The following ONECUT1 variants were observed in gnomAD, a reference collection of about 807,000 sequenced individuals.
ONECUT1 encodes hepatocyte nuclear factor 6.
ONECUT1 carries 12 observed loss-of-function variants against 25.6 expected under a neutral mutation model. That is an observed-to-expected ratio of 0.47 (90% CI 0.30 to 0.76). ONECUT1 has a LOEUF of 0.76. Ranked by LOEUF, ONECUT1 falls within the 30% of genes least tolerant of loss-of-function variation. The pLI, the probability that ONECUT1 is intolerant of heterozygous loss-of-function variation, is 0.07. For synonymous variants in ONECUT1, 285 were observed against 270.2 expected, an observed-to-expected ratio of 1.05 and a Z score of -0.54; for missense variants, 620 against 651.2, an observed-to-expected ratio of 0.95 and a Z score of 0.52.
At chr15:52,780,893 G>T in intron 1 of ONECUT1, 1 of 1,318,510 alleles carries the variant, frequency 7.6e-7, no homozygotes, top group Non-Finnish European at 9.7e-7. Flanking sequence ...TCCCGTGGCG[G>T]CATATGCAAA....
At chr15:52,772,806 A>G (rs1368054082) in intron 1 of ONECUT1, among the ~76,000 whole-genome samples, 3 of 152,182 alleles carry the variant, frequency 2.0e-5, no homozygotes, top group African/African-American at 7.2e-5. Context: ...CAGGAACCCT[A>G]TTAGTTTGTA....
chr15:52,768,270 C>T (rs1224164519), intron 1 of ONECUT1, among the ~76,000 whole-genome samples: 1 of 152,206 alleles, frequency 6.6e-6, no homozygotes, highest in Non-Finnish European at 1.5e-5. Flanking sequence ...TATCATTACA[C>T]ATTGTCTGCT....
In ONECUT1 at chr15:52,784,165, G is replaced by C. The variant is rs1310350598; in HGVS notation, c.1105+4615C>G. The stretch of plus-strand genomic sequence containing the variant: ...CCGAATGGAGGGAAGCAGGGAGCGC[G>C]GAGGGCTCGAGGCTTGCAGATAAGG... On this transcript the variant is annotated intron_variant, in intron 1 of 1. Transcript: ENST00000305901. The surrounding 1 kb of genome is among the most constrained non-coding windows in gnomAD (Gnocchi z 5.0). 6.6e-6 allele frequency among the ~76,000 whole-genome samples: 1 copy of C among 152,178 alleles called. No individual in the cohort carries two copies. Among genetic ancestry groups the C allele is most frequent in the African/African-American group, 2.4e-5 (1 of 41,442 alleles).
intron 1 of ONECUT1, among the ~76,000 whole-genome samples, chr15:52,781,788 G>GT (rs948917763): frequency 2.6e-5 from 4 of 152,138 alleles, no homozygotes; most frequent in African/African-American, 4.8e-5. Context: ...CTAGGCATCA[G>GT]TTTTTTTAAA....
In ONECUT1 at chr15:52,786,311, C is replaced by G. The variant is rs559225510; in HGVS notation, c.1105+2469G>C. Among the ~76,000 whole-genome samples, 16 of 152,288 alleles carry G rather than the reference C, an allele frequency of 1.1e-4. No individual in the cohort carries two copies. The South Asian group carries it at 3.1e-3, about 30-fold the overall frequency. The stretch of plus-strand genomic sequence containing the variant: ...CTGTTCCTGGTTCCTTGCAGGAGAC[C>G]CTCCTGGACCAACACAGAATCCTCA... On this transcript the variant is annotated intron_variant, in intron 1 of 1. Coordinates refer to ENST00000305901, the MANE Select transcript of ONECUT1 (RefSeq NM_004498.4).
At chr15:52,782,232 C>CA (rs1472579306) in intron 1 of ONECUT1, among the ~76,000 whole-genome samples, 1 of 152,166 alleles carries the variant, frequency 6.6e-6, no homozygotes, top group Non-Finnish European at 1.5e-5. Context: ...GATACCGTAA[C>CA]ATCTCTTGGA....
At chr15:52,768,486 A>G (rs1252024769) in intron 1 of ONECUT1, among the ~76,000 whole-genome samples, 1 of 152,168 alleles carries the variant, frequency 6.6e-6, no homozygotes, top group African/African-American at 2.4e-5. Flanking sequence ...CAATAATTGG[A>G]GTGATATAGA....
At chr15:52,785,473 T>C (rs1336246642) in intron 1 of ONECUT1, among the ~76,000 whole-genome samples, 5 of 152,072 alleles carry the variant, frequency 3.3e-5, no homozygotes, top group Admixed American at 3.3e-4. Context: ...CAGGGCAGGG[T>C]CGGAGTGCCC....
intron 1 of ONECUT1, among the ~76,000 whole-genome samples, chr15:52,777,181 AAC>A (rs2083806339): frequency 1.3e-5 from 2 of 152,294 alleles, no homozygotes; most frequent in Admixed American, 6.5e-5. Context: ...AACACACACA[AAC>A]ACACAGTTAT....
chr15:52,778,282 A>AT (rs1021046375), intron 1 of ONECUT1, among the ~76,000 whole-genome samples: 3 of 152,012 alleles, frequency 2.0e-5, no homozygotes, highest in African/African-American at 7.3e-5. Context: ...TTTATTACTC[A>AT]TTTTTTTAAA....
In ONECUT1 at chr15:52,757,647, C is replaced by T. The variant is rs1471492257; in HGVS notation, c.1306G>A (p.Ala436Thr). 1.9e-6 allele frequency: 3 copies of T among 1,613,954 alleles called. No homozygotes were observed. The highest frequency in any genetic ancestry group is 1.3e-5 in the African/African-American group (1 of 74,880). The change falls in exon 2 of 2, where the codon GCA becomes ACA. Residue 436 changes from alanine to threonine, a missense_variant. Physicochemically the swap from Ala to Thr is moderately conservative, Grantham distance 58. Coordinates refer to ENST00000305901, the MANE Select transcript of ONECUT1 (RefSeq NM_004498.4). ...CACTTGTCCAGACTCCTCCTTCTTGCGTTCATGAAGAAGTTGCTGACAGTG... is the reference window on the plus strand; with the variant it reads ...CACTTGTCCAGACTCCTCCTTCTTGTGTTCATGAAGAAGTTGCTGACAGTG... ...LSTVSNFFMN[A>T]RRRSLDKWQD...
At chr15:52,757,927 G>T in intron 1 of ONECUT1, 80 bp from the exon 2 acceptor site, 2 of 1,474,090 alleles carry the variant, frequency 1.4e-6, no homozygotes, top group Middle Eastern at 3.7e-4. Flanking sequence ...CATAAAATTT[G>T]TTAGCCATTC....
intron 1 of ONECUT1, chr15:52,787,622 G>A (rs2083884893): frequency 6.7e-6 from 1 of 150,354 alleles, no homozygotes; most frequent in African/African-American, 2.5e-5. Flanking sequence ...TGAGATGGAG[G>A]TGGAGGTGGG....
At chr15:52,764,738 T>C (rs527330627) in intron 1 of ONECUT1, among the ~76,000 whole-genome samples, 11 of 152,308 alleles carry the variant, frequency 7.2e-5, no homozygotes, top group African/African-American at 2.4e-4. Flanking sequence ...CTTGGCATTG[T>C]CATAAGGGCC....
Position 52,789,733 on chromosome 15 carries a change from C to A in ONECUT1, c.152G>T (p.Arg51Leu). Residue 51 changes from arginine (R) to leucine (L), a missense_variant, in exon 1 of 2, where the codon CGC (arginine) becomes CTC (leucine). Arg to Leu is a moderately radical substitution (Grantham distance 102). Around this residue, in one of 4 missense-constraint regions of ONECUT1, gnomAD observed 440 missense variants for 404.9 expected, o/e 1.09. Transcript: ENST00000305901. The surrounding 1 kb of genome is among the most constrained non-coding windows in gnomAD (Gnocchi z 4.1). ...RGSHLPPAHP[R>L]SMGMASLLDG... ...CAGCAGGGACGCCATGCCCATGGAG[C>A]GCGGGTGCGCGGGGGGCAGGTGGCT... The A allele has an allele frequency of 7.1e-7, 1 of 1,415,018 alleles. No homozygotes were observed. The highest frequency in any genetic ancestry group is 1.6e-5 in the South Asian group (1 of 63,482). 87.7% of individuals were successfully genotyped at this position (1,415,018 alleles called of 1,614,324 possible).
Position 52,784,011 on chromosome 15 carries a change from C to A in ONECUT1, c.1105+4769G>T, listed in dbSNP as rs923332127. ...AACAACGACGTTCTAAAAACAAAGG[C>A]GCAGCAAGCATCCCTTTCTTCGCTG... On this transcript the variant is annotated intron_variant, in intron 1 of 1. Coordinates refer to ENST00000305901, the MANE Select transcript of ONECUT1 (RefSeq NM_004498.4). The surrounding 1 kb of genome is among the most constrained non-coding windows in gnomAD (Gnocchi z 5.0). Among the ~76,000 whole-genome samples the A allele has an allele frequency of 6.6e-6, 1 of 152,208 alleles. No homozygotes were observed. Among genetic ancestry groups the A allele is most frequent in the Non-Finnish European group, 1.5e-5 (1 of 68,036 alleles).
chr15:52,777,843 C>A (rs1010899105), intron 1 of ONECUT1, among the ~76,000 whole-genome samples: 11 of 152,240 alleles, frequency 7.2e-5, no homozygotes, highest in Admixed American at 6.5e-4. Context: ...GAACTTGCTA[C>A]AGCAGGTGCT....
intron 1 of ONECUT1, among the ~76,000 whole-genome samples, chr15:52,783,601 C>G (rs2083854896): frequency 6.6e-6 from 1 of 152,220 alleles, no homozygotes; most frequent in Non-Finnish European, 1.5e-5. Flanking sequence ...CTTCTCAGCT[C>G]AAGGCCTCAG....
chr15:52,773,968 A>G (rs992885904), intron 1 of ONECUT1, among the ~76,000 whole-genome samples: 2 of 152,252 alleles, frequency 1.3e-5, no homozygotes, highest in Non-Finnish European at 2.9e-5. Flanking sequence ...GGGAAAGGAC[A>G]GGGATGATGG....
Sources: allele counts gnomAD v4.1 joint callset (sites outside exome capture counted in the v4.1 genomes callset), GRCh38; gene constraint gnomAD v4.1.1; regional missense constraint gnomAD v4.1.1; non-coding constraint Gnocchi (gnomAD v3.1); transcripts MANE v1.5; gene names NCBI Gene and HGNC (gene_info 2026-07-23, HGNC 2026-07-21).